The following MED13L variants were observed in gnomAD, a reference collection of about 807,000 sequenced individuals.
MED13L encodes the protein mediator complex subunit 13L, also known as mediator of RNA polymerase II transcription subunit 13-like.
In MED13L, 7 loss-of-function variants were observed where a neutral mutation model predicts 220.9. The ratio of observed to expected loss-of-function variants is 0.03; its 90% CI spans 0.02 to 0.06. MED13L has a LOEUF of 0.06. Among genes scored for constraint, MED13L ranks in the 10% least tolerant of loss-of-function variants. The pLI is 1.00. For synonymous variants in MED13L, 1,011 were observed against 1,015.2 expected (o/e 1.00, Z 0.08); for missense variants, 1,965 against 2,760.5 (o/e 0.71, Z 6.46).
chr12:116,174,441 A>T (rs1879899108), intron 2 of MED13L: 1 of 152,116 alleles, frequency 6.6e-6, no homozygotes, highest in African/African-American at 2.4e-5. Context: ...CTAGAGCTAC[A>T]TCTAAAAAGA....
chr12:116,230,939 C>T (rs1316544355), intron 2 of MED13L, among the ~76,000 whole-genome samples: 1 of 152,166 alleles, frequency 6.6e-6, no homozygotes, highest in African/African-American at 2.4e-5. Flanking sequence ...AATTCAATGT[C>T]AACACTTCTC....
chr12:116,136,978 A>C (rs754234193), intron 2 of MED13L, among the ~76,000 whole-genome samples: 8 of 152,232 alleles, frequency 5.3e-5, no homozygotes, highest in Non-Finnish European at 1.0e-4. Context: ...ATCATCAGTA[A>C]AAATTTAAAA....
chr12:116,273,318 T>G (rs933754263), intron 1 of MED13L, among the ~76,000 whole-genome samples: 1 of 151,522 alleles, frequency 6.6e-6, no homozygotes, highest in Non-Finnish European at 1.5e-5. Flanking sequence ...AAATAAAAAA[T>G]AAAAAGAAAG....
At chr12:115,992,739 A>G (rs2137311922) in intron 16 of MED13L, among the ~76,000 whole-genome samples, 1 of 152,236 alleles carries the variant, frequency 6.6e-6, no homozygotes, top group Non-Finnish European at 1.5e-5. Flanking sequence ...TAAGCACTTC[A>G]TTTTTCACTT....
chr12:116,011,390 C>T (rs1268406414), intron 9 of MED13L, among the ~76,000 whole-genome samples: 2 of 152,118 alleles, frequency 1.3e-5, no homozygotes, highest in Non-Finnish European at 2.9e-5. Context: ...TTACACTTAA[C>T]GTGTTACAAA....
At chr12:115,981,118 C>T (rs1439821532) in intron 22 of MED13L, among the ~76,000 whole-genome samples, 180 bp from the exon 23 acceptor site, 2 of 152,110 alleles carry the variant, frequency 1.3e-5, no homozygotes, top group Non-Finnish European at 2.9e-5. Context: ...TAATTCCTTC[C>T]GCTGACATAA....
At chr12:116,247,891 T>A (rs1421703532) in intron 1 of MED13L, among the ~76,000 whole-genome samples, 3 of 152,238 alleles carry the variant, frequency 2.0e-5, no homozygotes, top group Non-Finnish European at 4.4e-5. Context: ...GTGAAGTAGA[T>A]ATTTAAAAGT....
intron 4 of MED13L, among the ~76,000 whole-genome samples, chr12:116,089,337 C>T (rs1178882251): frequency 6.6e-6 from 1 of 152,158 alleles, no homozygotes; most frequent in Non-Finnish European, 1.5e-5. Flanking sequence ...GGACTATATG[C>T]ATATGCCACA....
At chr12:116,073,784 G>A (rs1192162202) in intron 4 of MED13L, among the ~76,000 whole-genome samples, 1 of 152,166 alleles carries the variant, frequency 6.6e-6, no homozygotes, top group East Asian at 1.9e-4. Flanking sequence ...ACCTCTAGTA[G>A]GAGGGATGAT....
Position 116,042,592 on chromosome 12 carries a change from T to C in MED13L, c.480-19991A>G, listed in dbSNP as rs909309552. ...TATTACTAGTAAAGCCACATATACA[T>C]GAATTCTTAAATCAGCCCCCTGAAT... On this transcript the variant is annotated intron_variant, in intron 4 of 30. Coordinates refer to ENST00000281928, the MANE Select transcript of MED13L (RefSeq NM_015335.5). 5.3e-5 allele frequency among the ~76,000 whole-genome samples: 8 copies of C among 152,366 alleles called. 1 individual carries two copies. In the South Asian group the frequency reaches 1.7e-3, roughly 32 times the overall value.
chr12:116,252,409 C>T (rs1282759240), intron 1 of MED13L, among the ~76,000 whole-genome samples: 1 of 151,972 alleles, frequency 6.6e-6, no homozygotes, highest in East Asian at 1.9e-4. Flanking sequence ...TGTGGTGGCA[C>T]ATGCCTGTGG....
chr12:116,036,644 T>C (rs1253035304), intron 4 of MED13L, among the ~76,000 whole-genome samples: 13 of 152,210 alleles, frequency 8.5e-5, no homozygotes, highest in Non-Finnish European at 1.3e-4. Flanking sequence ...GGTATGAACT[T>C]ATCTATTAAA....
At chr12:116,085,954 T>G (rs993845045) in intron 4 of MED13L, among the ~76,000 whole-genome samples, 2 of 152,030 alleles carry the variant, frequency 1.3e-5, no homozygotes, top group Admixed American at 6.6e-5. Flanking sequence ...ATATGAACAA[T>G]GAGAAAATGA....
intron 2 of MED13L, among the ~76,000 whole-genome samples, chr12:116,135,753 A>G (rs1241117081): frequency 2.6e-5 from 4 of 152,190 alleles, no homozygotes; most frequent in Non-Finnish European, 5.9e-5. Flanking sequence ...ACATGTCCCT[A>G]AAGCAGGAAG....
At chr12:116,111,533 G>GA (rs201196309) in intron 2 of MED13L, 21 bp from the exon 3 acceptor site, 36,938 of 1,515,244 alleles carry the variant, frequency 0.024, 512 homozygotes, top group Middle Eastern at 0.034. Flanking sequence ...AAAGAAAAAA[G>GA]AAAAAAAAAG....
intron 4 of MED13L, among the ~76,000 whole-genome samples, chr12:116,079,377 C>T (rs1871060638): frequency 6.6e-6 from 1 of 151,724 alleles, no homozygotes; most frequent in Admixed American, 6.6e-5. Context: ...CAACACCATG[C>T]CCAGCTAACT....
At chr12:116,276,912 GGGGGAGAATCGGCGAGAGGCGAACGGC>G in intron 1 of MED13L, 121 bp downstream of exon 1, 1 of 1,007,638 alleles carries the variant, frequency 9.9e-7, no homozygotes, top group Non-Finnish European at 1.5e-6. Flanking sequence ...CGATCCAAAA[GGGGGAGAATCGGCGAGAGGCGAACGGC>G]GGGGAGACGC....
chr12:116,276,719 A>G (rs1873877748), intron 1 of MED13L: 2 of 971,462 alleles, frequency 2.1e-6, no homozygotes, highest in South Asian at 3.5e-5. Flanking sequence ...ACGGGGGGAA[A>G]AAAAGGGGGG....
rs2138453034 is a variant in MED13L at position 116,236,260 on chromosome 12, T to TA, written c.310+1207dup. On this transcript the variant is annotated intron_variant, in intron 2 of 30. Coordinates refer to ENST00000281928, the MANE Select transcript of MED13L (RefSeq NM_015335.5). ...TCTCTTATTTATAGACCAAATACCC[T>TA]AAAAAATATCAGGATAAAGGTTTGA... Among the ~76,000 whole-genome samples, 3 of 152,198 alleles carry TA rather than the reference T, an allele frequency of 2.0e-5. No individual in the cohort carries two copies. In the South Asian group the frequency reaches 6.2e-4, roughly 32 times the overall value.
Sources: gnomAD v4.1 joint callset for allele counts (sites outside exome capture counted in the v4.1 genomes callset) on GRCh38, gnomAD v4.1.1 for gene constraint, MANE v1.5 for transcripts, NCBI Gene and HGNC (gene_info 2026-07-23, HGNC 2026-07-21) for gene names.